The following MACROD2 variants were observed in gnomAD, a reference collection of about 807,000 sequenced individuals.
The protein encoded by MACROD2 is mono-ADP ribosylhydrolase 2, also known as ADP-ribose glycohydrolase MACROD2.
In MACROD2, 36 loss-of-function variants were observed where a neutral mutation model predicts 70.4. That is an observed-to-expected ratio of 0.51 (90% CI 0.39 to 0.68). MACROD2 has a LOEUF of 0.68. Ranked by LOEUF, MACROD2 falls within the 30% of genes least tolerant of loss-of-function variation. The probability of loss-of-function intolerance (pLI) is 0.00; values close to 1 mark genes in which losing one functional copy is unlikely to be tolerated. For missense variants in MACROD2, 496 were observed against 538.4 expected (o/e 0.92, Z 0.78); for synonymous variants, 172 against 178.8 (o/e 0.96, Z 0.30).
chr20:14,071,609 C>T (rs567508297), intron 2 of MACROD2, among the ~76,000 whole-genome samples: 2 of 152,030 alleles, frequency 1.3e-5, no homozygotes, highest in East Asian at 3.9e-4. Flanking sequence ...TGTTTCTCCT[C>T]GTCTGCCTCA....
chr20:14,151,189 A>C (rs2148711150), intron 3 of MACROD2, among the ~76,000 whole-genome samples: 1 of 152,290 alleles, frequency 6.6e-6, no homozygotes, highest in Admixed American at 6.5e-5. Context: ...TACTAGTCAA[A>C]TTTTACATTA....
Position 14,326,800 on chromosome 20 carries a change from G to T in MACROD2, c.272-166679G>T. 1 of 1,613,748 alleles carries T rather than the reference G, an allele frequency of 6.2e-7. No individual in the cohort carries two copies. The highest frequency in any genetic ancestry group is 8.5e-7 in the Non-Finnish European group (1 of 1,179,826). On this transcript the variant is annotated intron_variant, in intron 3 of 17. Transcript: ENST00000684519. The surrounding 1 kb of genome is among the most constrained non-coding windows in gnomAD (Gnocchi z 5.5). Reference sequence around the variant, plus strand: ...AAGGTTTACTGGTGCAGCAGTCAGGGAATTCCGCACCAGGGACAGCTCTGT... The same window carrying T: ...AAGGTTTACTGGTGCAGCAGTCAGGTAATTCCGCACCAGGGACAGCTCTGT...
At chr20:15,120,985 T>C (rs1454884072) in intron 5 of MACROD2, among the ~76,000 whole-genome samples, 2 of 152,152 alleles carry the variant, frequency 1.3e-5, no homozygotes, top group Non-Finnish European at 2.9e-5. Context: ...TCTGCTGATA[T>C]TGATTCTTTT....
chr20:14,378,738 G>A (rs889547436), intron 3 of MACROD2, among the ~76,000 whole-genome samples: 5 of 152,256 alleles, frequency 3.3e-5, no homozygotes, highest in South Asian at 4.1e-4. Context: ...CCATGAGGCC[G>A]GAGCCCTTAA....
chr20:15,599,354 T>C (rs1208956189), intron 8 of MACROD2, among the ~76,000 whole-genome samples: 1 of 151,980 alleles, frequency 6.6e-6, no homozygotes, highest in Non-Finnish European at 1.5e-5. Context: ...ATCGCGCCAC[T>C]GCACTCCAGT....
chr20:15,292,063 T>G (rs1568697528), intron 6 of MACROD2, among the ~76,000 whole-genome samples: 2 of 152,272 alleles, frequency 1.3e-5, no homozygotes, highest in South Asian at 2.1e-4. Context: ...TTTTTAGAGA[T>G]AGAGGTCTCG....
intron 5 of MACROD2, among the ~76,000 whole-genome samples, chr20:14,972,490 A>G (rs1415211588): frequency 5.3e-5 from 8 of 152,148 alleles, no homozygotes; most frequent in African/African-American, 1.9e-4. Flanking sequence ...ACTTTCTAGT[A>G]TATTTAGCCC....
intron 5 of MACROD2, among the ~76,000 whole-genome samples, chr20:15,142,047 G>A (rs2076195858): frequency 6.6e-6 from 1 of 152,112 alleles, no homozygotes; most frequent in Non-Finnish European, 1.5e-5. Context: ...GAGCATAGTG[G>A]ATTTTTATCA....
chr20:14,715,599 C>T (rs548840149), intron 5 of MACROD2, among the ~76,000 whole-genome samples: 1 of 152,250 alleles, frequency 6.6e-6, no homozygotes, highest in Non-Finnish European at 1.5e-5. Flanking sequence ...AAAGCTGCCA[C>T]CCAAATGCAG....
At chr20:15,083,596 AT>A (rs11477503) in intron 5 of MACROD2, among the ~76,000 whole-genome samples, 27,966 of 148,416 alleles carry the variant, frequency 0.19, 3,412 homozygotes, top group Non-Finnish European at 0.28. Flanking sequence ...ATCAACAATA[AT>A]TTTTTTTTTT....
rs150220470 is a variant in MACROD2 at position 15,395,985 on chromosome 20, G to A, written c.541-35420G>A. ...CTCAGCACATTGTCTTCAACTAACT[G>A]GAAGACATAATAAAATAACGTACAT... is the stretch of plus-strand genomic sequence containing the variant. On this transcript the variant is annotated intron_variant, in intron 6 of 17. Transcript: ENST00000684519. Among the ~76,000 whole-genome samples the A allele has an allele frequency of 6.8e-3, 1,030 of 152,206 alleles. 7 individuals are homozygous for A. Among genetic ancestry groups the A allele is most frequent in the South Asian group, 0.055 (265 of 4,814 alleles).
At chr20:14,949,789 C>A (rs1820525373) in intron 5 of MACROD2, among the ~76,000 whole-genome samples, 1 of 152,144 alleles carries the variant, frequency 6.6e-6, no homozygotes. Context: ...TAATGGGCAT[C>A]ATTGTTGAGA....
chr20:14,360,515 G>C (rs553818694), intron 3 of MACROD2, among the ~76,000 whole-genome samples: 18 of 152,148 alleles, frequency 1.2e-4, no homozygotes, highest in Non-Finnish European at 2.2e-4. Flanking sequence ...GAGTCCAATG[G>C]GTTTGGAATG....
intron 2 of MACROD2, among the ~76,000 whole-genome samples, chr20:14,026,810 C>A (rs772173586): frequency 2.0e-5 from 3 of 152,178 alleles, no homozygotes; most frequent in Non-Finnish European, 2.9e-5. Flanking sequence ...GTAAATCTGA[C>A]AATTATGTGT....
intron 6 of MACROD2, among the ~76,000 whole-genome samples, chr20:15,412,242 G>A (rs2046088680): frequency 6.6e-6 from 1 of 151,952 alleles, no homozygotes; most frequent in Non-Finnish European, 1.5e-5. Flanking sequence ...GACACATGAG[G>A]ATCTGTGGAG....
In MACROD2 at chr20:16,012,220, C is replaced by G. The variant is rs2147529315; in HGVS notation, c.1153+25062C>G. Among the ~76,000 whole-genome samples, 2 of 152,348 alleles carry G rather than the reference C, an allele frequency of 1.3e-5. 1 individual carries two copies. Among genetic ancestry groups the G allele is most frequent in the South Asian group, 4.1e-4 (2 of 4,828 alleles). On this transcript the variant is annotated intron_variant, in intron 15 of 17. Coordinates refer to ENST00000684519, the MANE Select transcript of MACROD2 (RefSeq NM_001351661.2). ...TTCTCAGTTTTTGACTTCACCCCAC[C>G]TTGCCCCACTTATCTACAAACCTCC...
chr20:14,425,422 A>G (rs1348284996), intron 3 of MACROD2, among the ~76,000 whole-genome samples: 1 of 152,220 alleles, frequency 6.6e-6, no homozygotes, highest in Non-Finnish European at 1.5e-5. Flanking sequence ...TTGCATTACT[A>G]TACGTATGAA....
intron 8 of MACROD2, among the ~76,000 whole-genome samples, chr20:15,604,575 A>T (rs1257665133): frequency 6.6e-6 from 1 of 152,204 alleles, no homozygotes; most frequent in Non-Finnish European, 1.5e-5. Flanking sequence ...ACAAATTGTC[A>T]TCCATCTCCA....
intron 3 of MACROD2, among the ~76,000 whole-genome samples, chr20:14,415,954 T>C (rs956286372): frequency 2.0e-5 from 3 of 147,040 alleles, no homozygotes; most frequent in African/African-American, 7.4e-5. Context: ...ACCTTTCTGT[T>C]GTCCTCTATT....
Sources: gnomAD v4.1 joint callset for allele counts (sites outside exome capture counted in the v4.1 genomes callset) on GRCh38, gnomAD v4.1.1 for gene constraint, Gnocchi (gnomAD v3.1) non-coding constraint, MANE v1.5 for transcripts, NCBI Gene and HGNC (gene_info 2026-07-23, HGNC 2026-07-21) for gene names.